PYROXD1: variants seen among roughly 807,000 people sequenced by gnomAD.
PYROXD1 encodes pyridine nucleotide-disulphide oxidoreductase domain 1, also known as tRNA ligase complex-associated NAD(P)H dehydrogenase PYROXD1.
In PYROXD1, 42 loss-of-function variants were observed where a neutral mutation model predicts 62.0. The ratio of observed to expected loss-of-function variants is 0.68; its 90% CI spans 0.53 to 0.88. The LOEUF (loss-of-function observed/expected upper bound fraction) is 0.88. Ranked by LOEUF, PYROXD1 falls within the 40% of genes least tolerant of loss-of-function variation. PYROXD1 has a pLI of 0.00. For missense variants in PYROXD1, 493 were observed against 604.8 expected, an observed-to-expected ratio of 0.82 and a Z score of 1.94; for synonymous variants, 170 against 206.4, an observed-to-expected ratio of 0.82 and a Z score of 1.51.
chr12:21,467,714 G>T, intron 11 of PYROXD1, 96 bp downstream of exon 11: 4 of 930,274 alleles, frequency 4.3e-6, no homozygotes, highest in East Asian at 5.3e-5. Flanking sequence ...AACGTACATA[G>T]TTTTAATCAT....
At chr12:21,456,987 T>G in intron 7 of PYROXD1, 1 of 386,740 alleles carries the variant, frequency 2.6e-6, no homozygotes, top group Non-Finnish European at 5.0e-6. Flanking sequence ...CAATGTAGTC[T>G]CATCTTCAGG....
chr12:21,466,522 T>C (rs1942797639), intron 10 of PYROXD1, among the ~76,000 whole-genome samples: 1 of 152,206 alleles, frequency 6.6e-6, no homozygotes, highest in South Asian at 2.1e-4. Context: ...TTTTGTATCC[T>C]GAGACTTTGC....
chr12:21,445,373 T>C lies in PYROXD1; in HGVS notation c.192T>C (p.Asp64=). 1 of 1,602,420 alleles carries C rather than the reference T, an allele frequency of 6.2e-7. No individual in the cohort carries two copies. Among genetic ancestry groups the C allele is most frequent in the Non-Finnish European group, 8.5e-7 (1 of 1,176,702 alleles). The change falls in exon 3 of 12, where the codon GAT becomes GAC. Residue 64 remains aspartate, a synonymous_variant. Coordinates refer to ENST00000240651, the MANE Select transcript of PYROXD1 (RefSeq NM_024854.5). ...TTTCTAAAATATTGGAAGAATTCGA[T>C]GTTGAAGAACAATCAAGTACCATGT... The part of the protein sequence containing the change: ...KQISKILEEF[D]VEEQSSTMLG...
chr12:21,466,562 G>T lies in PYROXD1; in HGVS notation c.1117-919G>T, dbSNP rs1376865393. Among the ~76,000 whole-genome samples the T allele has an allele frequency of 2.0e-5, 3 of 152,156 alleles. No individual in the cohort carries two copies. In the South Asian group the frequency reaches 6.2e-4, roughly 32 times the overall value. On this transcript the variant is annotated intron_variant, in intron 10 of 11. Transcript: ENST00000240651. Reference sequence around the variant, plus strand: ...GTTGCTTATCAGCTTAAGATTTTGGGCTGAGCTGATGGGGTTTTCTAGATA... The same window carrying T: ...GTTGCTTATCAGCTTAAGATTTTGGTCTGAGCTGATGGGGTTTTCTAGATA...
rs377587705 is a variant in PYROXD1, at chr12:21,468,867, A to G, written c.*113A>G. On this transcript the variant is annotated 3_prime_UTR_variant, in exon 12 of 12. Coordinates refer to ENST00000240651, the MANE Select transcript of PYROXD1 (RefSeq NM_024854.5). ...ATGATGACCACACTGAAAATTACAG[A>G]AGTGATAATGATATTAGTGGAAAAA... The G allele has an allele frequency of 1.0e-6, 1 of 962,982 alleles. No homozygotes were observed. 59.7% of individuals were successfully genotyped at this position (962,982 alleles called of 1,614,324 possible). A position where few individuals can be genotyped will look rare whatever the true frequency, so the allele number is the denominator to read the frequency against.
intron 3 of PYROXD1, among the ~76,000 whole-genome samples, chr12:21,446,596 G>C (rs1591940353): frequency 6.6e-6 from 1 of 151,886 alleles, no homozygotes; most frequent in East Asian, 1.9e-4. Context: ...CTAGAAGGTG[G>C]TTATGATAGT....
chr12:21,439,261 G>A (rs1464989167), intron 1 of PYROXD1, among the ~76,000 whole-genome samples: 3 of 152,206 alleles, frequency 2.0e-5, no homozygotes, highest in Admixed American at 1.3e-4. Flanking sequence ...AAGATGATTA[G>A]TTACAATGTA....
intron 10 of PYROXD1, chr12:21,467,250 T>A (rs764317576): frequency 7.9e-5 from 31 of 394,180 alleles, no homozygotes; most frequent in African/African-American, 1.2e-4. Context: ...GAAATGCTAC[T>A]AAAACAGGTG....
At chr12:21,465,693 G>A (rs1418836858) in intron 10 of PYROXD1, among the ~76,000 whole-genome samples, 1 of 151,976 alleles carries the variant, frequency 6.6e-6, no homozygotes, top group Non-Finnish European at 1.5e-5. Flanking sequence ...TGTTAATTTT[G>A]ACTTTTGTTG....
At chr12:21,450,055 G>C (rs144010498) in intron 4 of PYROXD1, among the ~76,000 whole-genome samples, 1 of 148,394 alleles carries the variant, frequency 6.7e-6, no homozygotes, top group African/African-American at 2.5e-5. Context: ...ATTTTTAGTA[G>C]AGACAGGGTT....
At chr12:21,465,353 A>C (rs1208879752) in intron 10 of PYROXD1, among the ~76,000 whole-genome samples, 2 of 152,092 alleles carry the variant, frequency 1.3e-5, no homozygotes, top group African/African-American at 4.8e-5. Flanking sequence ...CTTTTTAATG[A>C]TTGCCATTCT....
At chr12:21,456,144 C>A (rs2137270456) in intron 7 of PYROXD1, 49 bp downstream of exon 7, 1 of 1,162,812 alleles carries the variant, frequency 8.6e-7, no homozygotes, top group Non-Finnish European at 1.3e-6. Context: ...ATTTTAAATT[C>A]TTGAACCATT....
At chr12:21,462,642 A>G in intron 9 of PYROXD1, 98 bp from the exon 10 acceptor site, 1 of 1,346,132 alleles carries the variant, frequency 7.4e-7, no homozygotes, top group Non-Finnish European at 1.0e-6. Flanking sequence ...AAAGATGAGC[A>G]TGCAAAGTGT....
chr12:21,467,593 A>C lies in PYROXD1; in HGVS notation c.1229A>C (p.His410Pro). 6.2e-7 allele frequency: 1 copy of C among 1,611,536 alleles called. No homozygotes were observed. The highest frequency in any genetic ancestry group is 8.5e-7 in the Non-Finnish European group (1 of 1,178,754). The change falls in exon 11 of 12, where the codon CAT becomes CCT. Residue 410 changes from histidine to proline, a missense_variant. Physicochemically the swap from His to Pro is moderately conservative, Grantham distance 77. Transcript: ENST00000240651. Reference protein sequence around the residue: ...DMDFSFELFAHVTKFFNYKVV... With the variant: ...DMDFSFELFAPVTKFFNYKVV... ...GATTTCAGCTTTGAACTGTTTGCTC[A>C]TGTGACAAAATTTTTTAACTATAAG... is the stretch of plus-strand genomic sequence containing the variant.
At chr12:21,453,803 T>G (rs1942546343) in intron 5 of PYROXD1, among the ~76,000 whole-genome samples, 2 of 152,076 alleles carry the variant, frequency 1.3e-5, no homozygotes, top group Admixed American at 1.3e-4. Context: ...AGTGCACTGA[T>G]AGGTGTTATA....
At chr12:21,462,642 A>C in intron 9 of PYROXD1, 98 bp from the exon 10 acceptor site, 2 of 1,346,132 alleles carry the variant, frequency 1.5e-6, no homozygotes, top group Non-Finnish European at 2.1e-6. Flanking sequence ...AAAGATGAGC[A>C]TGCAAAGTGT....
intron 1 of PYROXD1, chr12:21,438,031 T>C (rs1307298436): frequency 1.7e-6 from 1 of 579,042 alleles, no homozygotes; most frequent in Non-Finnish European, 3.1e-6. Flanking sequence ...GGGAGGCAAA[T>C]TATAGCCGAG....
chr12:21,466,717 GAGAGGGCAT>G (rs1942801572), intron 10 of PYROXD1, among the ~76,000 whole-genome samples: 1 of 152,102 alleles, frequency 6.6e-6, no homozygotes, highest in South Asian at 2.1e-4. Flanking sequence ...GGAGTGGTGA[GAGAGGGCAT>G]CCCTGTCTTA....
chr12:21,440,754 G>A (rs1485590804), intron 2 of PYROXD1, among the ~76,000 whole-genome samples: 6 of 152,056 alleles, frequency 3.9e-5, no homozygotes, highest in Admixed American at 3.9e-4. Context: ...TCTTGATCTT[G>A]GAAAAGCTTT....
Sources: allele counts gnomAD v4.1 joint callset (sites outside exome capture counted in the v4.1 genomes callset), GRCh38; gene constraint gnomAD v4.1.1; transcripts MANE v1.5; gene names NCBI Gene and HGNC (gene_info 2026-07-23, HGNC 2026-07-21).